The following WRN variants were observed in gnomAD, a reference collection of about 807,000 sequenced individuals.
WRN encodes WRN RecQ like helicase, also known as bifunctional 3'-5' exonuclease/ATP-dependent helicase WRN.
In WRN, 149 loss-of-function variants were observed where a neutral mutation model predicts 180.7. The ratio of observed to expected loss-of-function variants is 0.82; its 90% CI spans 0.72 to 0.94. The LOEUF is 0.94. Among genes scored for constraint, WRN ranks in the 40% least tolerant of loss-of-function variants. The pLI is 0.00. For synonymous variants in WRN, 548 were observed against 568.9 expected (o/e 0.96, Z 0.52); for missense variants, 1,661 against 1,700.1 (o/e 0.98, Z 0.40).
chr8:31,146,904 G>A (rs1334579812), intron 28 of WRN, 149 bp from the exon 29 acceptor site: 5 of 635,292 alleles, frequency 7.9e-6, no homozygotes, highest in Admixed American at 6.1e-5. Flanking sequence ...CTAGGCTGTT[G>A]TCATTTAAAT....
intron 27 of WRN, 38 bp from the exon 28 acceptor site, chr8:31,143,512 A>C (rs374232233): frequency 5.5e-6 from 8 of 1,449,474 alleles, no homozygotes; most frequent in Non-Finnish European, 5.7e-6. Flanking sequence ...AAGTTTTTTG[A>C]AACTTTTTTT....
chr8:31,040,944 A>T (rs1811630205), intron 1 of WRN, among the ~76,000 whole-genome samples: 1 of 152,158 alleles, frequency 6.6e-6, no homozygotes, highest in Non-Finnish European at 1.5e-5. Flanking sequence ...GTCTTTGAGT[A>T]GATGTCTTCG....
At chr8:31,037,851 C>G (rs1021071053) in intron 1 of WRN, among the ~76,000 whole-genome samples, 22 of 152,126 alleles carry the variant, frequency 1.4e-4, no homozygotes, top group African/African-American at 4.8e-4. Flanking sequence ...CTCAACATTG[C>G]TTTGGCTATT....
intron 1 of WRN, among the ~76,000 whole-genome samples, chr8:31,050,539 G>A (rs1269386603): frequency 7.0e-6 from 1 of 143,814 alleles, no homozygotes; most frequent in Admixed American, 7.0e-5. Flanking sequence ...ACACAAAGCT[G>A]CATTAGAACC....
At chr8:31,039,645 G>A (rs1811574056) in intron 1 of WRN, among the ~76,000 whole-genome samples, 1 of 152,110 alleles carries the variant, frequency 6.6e-6, no homozygotes, top group East Asian at 1.9e-4. Context: ...TAGGTGGAAA[G>A]CTTTCAGTCT....
rs796748864 is a variant in WRN, at chr8:31,152,330, C to CA, written c.3687+1888dup. Among the ~76,000 whole-genome samples the CA allele has an allele frequency of 3.7e-3, 447 of 121,668 alleles. 2 individuals carry two copies. The highest frequency in any genetic ancestry group is 0.018 in the South Asian group (68 of 3,832). 79.8% of individuals were successfully genotyped at this position (121,668 alleles called of 152,430 possible). On this transcript the variant is annotated intron_variant, in intron 31 of 34. Transcript: ENST00000298139. ...TGGGCGACAGAGCGAGACTCCATCTCAAAAAAAAAAAAAGACTATATGAAC... is the reference window on the plus strand; with the variant it reads ...TGGGCGACAGAGCGAGACTCCATCTCAAAAAAAAAAAAAAGACTATATGAAC...
At chr8:31,089,117 T>A in intron 13 of WRN, 152 bp downstream of exon 13, 1 of 690,630 alleles carries the variant, frequency 1.4e-6, no homozygotes, top group Non-Finnish European at 2.5e-6. Flanking sequence ...ACAAAATTAT[T>A]TCAAAGTGAT....
Position 31,080,847 on chromosome 8 carries a change from T to A in WRN, c.840-20T>A. On this transcript the variant is annotated intron_variant, in intron 8 of 34. Transcript: ENST00000298139. ...TAATGCAATTGAAGTTGAATTAATC[T>A]TTCTTAATTTTTTTTTTAGGGTTTC... 6.3e-7 allele frequency: 1 copy of A among 1,575,102 alleles called. No homozygotes were observed. Among genetic ancestry groups the A allele is most frequent in the Non-Finnish European group, 8.6e-7 (1 of 1,157,518 alleles).
At chr8:31,127,639 C>T (rs866441911) in intron 23 of WRN, among the ~76,000 whole-genome samples, 11 of 151,832 alleles carry the variant, frequency 7.2e-5, no homozygotes, top group East Asian at 1.9e-4. Context: ...CTTGCTGGTG[C>T]GGTGGCTCAC....
chr8:31,164,098 T>A (rs1392481242), intron 33 of WRN, among the ~76,000 whole-genome samples: 1 of 152,136 alleles, frequency 6.6e-6, no homozygotes, highest in East Asian at 1.9e-4. Context: ...TCAGCCTGCC[T>A]AAGTGCTGGG....
intron 20 of WRN, among the ~76,000 whole-genome samples, chr8:31,118,527 C>T (rs1054041828): frequency 3.3e-5 from 5 of 151,486 alleles, no homozygotes; most frequent in African/African-American, 9.7e-5. Flanking sequence ...TACTTGCTAC[C>T]GAGAATTGAA....
chr8:31,046,687 C>T (rs572664512), intron 1 of WRN, among the ~76,000 whole-genome samples: 32 of 152,146 alleles, frequency 2.1e-4, no homozygotes, highest in Non-Finnish European at 3.1e-4. Context: ...ATGAGATCTT[C>T]GTAGTCTGTA....
At position 31,039,722 on chromosome 8, in the gene WRN, C is replaced by A. The variant is rs188900387; in HGVS notation, c.-77+5749C>A. Among the ~76,000 whole-genome samples, 11 of 152,034 alleles carry A rather than the reference C, an allele frequency of 7.2e-5. No homozygotes were observed. In the East Asian group the frequency reaches 1.4e-3, roughly 19 times the overall value. On this transcript the variant is annotated intron_variant, in intron 1 of 34. Coordinates refer to ENST00000298139, the MANE Select transcript of WRN (RefSeq NM_000553.6). Reference sequence around the variant, plus strand: ...GCCCTTTATCATGTTGAGGAAATACCCTTTTATTCCTAGTTTTCTGAGTTT... The same window carrying A: ...GCCCTTTATCATGTTGAGGAAATACACTTTTATTCCTAGTTTTCTGAGTTT...
chr8:31,043,183 T>C (rs1056966242), intron 1 of WRN, among the ~76,000 whole-genome samples: 1 of 152,228 alleles, frequency 6.6e-6, no homozygotes, highest in Non-Finnish European at 1.5e-5. Flanking sequence ...TCTTGTATGC[T>C]TGTAAGATGG....
At chr8:31,116,088 A>C (rs1801505897) in intron 19 of WRN, among the ~76,000 whole-genome samples, 1 of 152,186 alleles carries the variant, frequency 6.6e-6, no homozygotes, top group Non-Finnish European at 1.5e-5. Flanking sequence ...TAAAACAAAT[A>C]AATTTGTTTC....
At chr8:31,077,733 T>G (rs1778939978) in intron 8 of WRN, among the ~76,000 whole-genome samples, 1 of 152,230 alleles carries the variant, frequency 6.6e-6, no homozygotes, top group African/African-American at 2.4e-5. Context: ...CTTCATAATA[T>G]CTGTTGAAGT....
At chr8:31,057,954 T>C (rs916925961) in intron 1 of WRN, among the ~76,000 whole-genome samples, 1 of 152,202 alleles carries the variant, frequency 6.6e-6, no homozygotes, top group African/African-American at 2.4e-5. Flanking sequence ...AGAAGAGCTA[T>C]TATCTGTCTT....
At chr8:31,168,702 A>T (rs1803994471) in intron 34 of WRN, among the ~76,000 whole-genome samples, 1 of 152,206 alleles carries the variant, frequency 6.6e-6, no homozygotes, top group South Asian at 2.1e-4. Context: ...TGATTTCTGT[A>T]GAGTGTTGGA....
intron 24 of WRN, among the ~76,000 whole-genome samples, chr8:31,137,587 A>C (rs983378318): frequency 6.6e-6 from 1 of 152,176 alleles, no homozygotes; most frequent in African/African-American, 2.4e-5. Flanking sequence ...AAAGCAGATT[A>C]ATATTACAGA....
Sources: gnomAD v4.1 joint callset for allele counts (sites outside exome capture counted in the v4.1 genomes callset) on GRCh38, gnomAD v4.1.1 for gene constraint, MANE v1.5 for transcripts, NCBI Gene and HGNC (gene_info 2026-07-23, HGNC 2026-07-21) for gene names.